Variants in IMPG2 observed in about 807,000 individuals in gnomAD.
IMPG2 encodes the protein interphotoreceptor matrix proteoglycan 2, also known as IPM 200.
IMPG2 carries 91 observed loss-of-function variants against 129.2 expected under a neutral mutation model. The observed-to-expected ratio is 0.70, with a 90% CI of 0.59 to 0.84. The LOEUF (loss-of-function observed/expected upper bound fraction) is 0.84. IMPG2 is among the 40% of genes least tolerant of loss of function. The probability of loss-of-function intolerance (pLI) is 0.00; values close to 1 mark genes in which losing one functional copy is unlikely to be tolerated. For missense variants in IMPG2, 1,430 were observed against 1,461.7 expected (o/e 0.98, Z 0.35); for synonymous variants, 510 against 517.7 (o/e 0.99, Z 0.20).
At chr3:101,241,793 C>T (rs1159725212) in intron 14 of IMPG2, among the ~76,000 whole-genome samples, 4 of 151,826 alleles carry the variant, frequency 2.6e-5, no homozygotes, top group South Asian at 2.1e-4. Context: ...TTTGGGAGGC[C>T]GAGGTAGGTG....
chr3:101,243,837 T>C lies in IMPG2; in HGVS notation c.2494A>G (p.Ile832Val), dbSNP rs1400491599. The C allele has an allele frequency of 1.2e-6, 2 of 1,614,202 alleles. No individual in the cohort carries two copies. Among genetic ancestry groups the C allele is most frequent in the Non-Finnish European group, 1.7e-6 (2 of 1,180,024 alleles). Residue 832 changes from isoleucine to valine, a missense_variant, in exon 13 of 19, where the codon ATT becomes GTT. Coordinates refer to ENST00000193391, the MANE Select transcript of IMPG2 (RefSeq NM_016247.4). ...TISTLLEDEVIMGVQDISLEL... is the reference protein window; with the variant it reads ...TISTLLEDEVVMGVQDISLEL... ...AACGAAATATCCTGTACACCCATAA[T>C]TACTTCATCCTCTAGCAGGGTGGAG... is the stretch of plus-strand genomic sequence containing the variant.
At position 101,243,683 on chromosome 3, in the gene IMPG2, G is replaced by A; in HGVS notation, c.2648C>T (p.Pro883Leu). ...ACTCAAGTCATCTCCTCCTTCTGTG[G>A]GCCAAGCCACACTAACCATCTCTGT... ...HSTEMVSVAW[P>L]TEGGDDLSYT... Residue 883 changes from proline (P) to leucine (L), a missense_variant, in exon 13 of 19, where the codon CCC (proline) becomes CTC (leucine). Pro to Leu is a moderately conservative substitution (Grantham distance 98). Coordinates refer to ENST00000193391, the MANE Select transcript of IMPG2 (RefSeq NM_016247.4). 6.2e-7 allele frequency: 1 copy of A among 1,614,032 alleles called. No individual in the cohort carries two copies.
Position 101,225,094 on chromosome 3 carries a change from G to A in IMPG2, c.*1875C>T, listed in dbSNP as rs982585449. On this transcript the variant is annotated 3_prime_UTR_variant, in exon 19 of 19. Transcript: ENST00000193391. ...CACTTTCATCTAACACGTAGTATAG[G>A]AAAACAGTTTACAGTCTTAAACAGA... is the stretch of plus-strand genomic sequence containing the variant. 3.3e-5 allele frequency: 5 copies of A among 152,266 alleles called. No homozygotes were observed. Among genetic ancestry groups the A allele is most frequent in the Admixed American group, 2.6e-4 (4 of 15,298 alleles). The allele number at this position is 152,266 out of a possible 1,614,324, so 9.4% of individuals were successfully genotyped here.
chr3:101,273,759 A>G lies in IMPG2; in HGVS notation c.667-17T>C. 6.2e-7 allele frequency: 1 copy of G among 1,610,558 alleles called. No individual in the cohort carries two copies. The highest frequency in any genetic ancestry group is 1.3e-5 in the African/African-American group (1 of 75,000). On this transcript the variant is annotated splice_polypyrimidine_tract_variant and intron_variant, in intron 6 of 18. Coordinates refer to ENST00000193391, the MANE Select transcript of IMPG2 (RefSeq NM_016247.4). ...ATTGCTAATCTGAATTTTTAGAGAA[A>G]GAACAATAAATGTCAAGGCTTATTC...
chr3:101,242,729 A>G lies in IMPG2; in HGVS notation c.2981T>C (p.Met994Thr), dbSNP rs1241094072. Residue 994 changes from methionine to threonine, a missense_variant, in exon 14 of 19, where the codon ATG becomes ACG. Met to Thr is a moderately conservative substitution (Grantham distance 81). Transcript: ENST00000193391. ...EDFCTTAYNT[M>T]NLAIDKYSLD... ...AGAGTATTTATCAATAGCCAAGTTCATGGTATTGTAGGCAGTGGTACAAAA... is the reference window on the plus strand; with the variant it reads ...AGAGTATTTATCAATAGCCAAGTTCGTGGTATTGTAGGCAGTGGTACAAAA... 6.2e-7 allele frequency: 1 copy of G among 1,613,990 alleles called. No homozygotes were observed. Among genetic ancestry groups the G allele is most frequent in the Admixed American group, 1.7e-5 (1 of 60,016 alleles).
intron 2 of IMPG2, among the ~76,000 whole-genome samples, chr3:101,305,068 C>G (rs1337887655): frequency 6.6e-6 from 1 of 151,980 alleles, no homozygotes; most frequent in Non-Finnish European, 1.5e-5. Context: ...TCGCTTTATT[C>G]ATAATTGCCA....
chr3:101,317,100 CATTATAAATGGT>C lies in IMPG2; in HGVS notation c.334+2472_334+2483del, dbSNP rs2058789201. Among the ~76,000 whole-genome samples the C allele has an allele frequency of 2.1e-4, 3 of 14,586 alleles. No individual in the cohort carries two copies. The South Asian group carries it at 0.011, about 55-fold the overall frequency. The allele number at this position is 14,586 out of a possible 152,430, so 9.6% of individuals were successfully genotyped here. A position where few individuals can be genotyped will look rare whatever the true frequency, so the allele number is the denominator to read the frequency against. ...AAGGAGAGGTAGTGAGGGAGGTGGG[CATTATAAATGGT>C]CATGAAGAAATGTTTAAGAGTGATT... On this transcript the variant is annotated intron_variant, in intron 2 of 18. Coordinates refer to ENST00000193391, the MANE Select transcript of IMPG2 (RefSeq NM_016247.4).
intron 11 of IMPG2, among the ~76,000 whole-genome samples, chr3:101,249,836 G>A (rs1301924629): frequency 2.0e-5 from 3 of 150,982 alleles, no homozygotes; most frequent in East Asian, 1.9e-4. Flanking sequence ...ATGACTTCTC[G>A]CACTTTTCTA....
intron 4 of IMPG2, among the ~76,000 whole-genome samples, chr3:101,284,618 A>G (rs1282152296): frequency 2.6e-5 from 4 of 152,198 alleles, no homozygotes; most frequent in South Asian, 4.1e-4. Context: ...AAATATCCTT[A>G]GTAGGTATTA....
chr3:101,318,575 G>T (rs1463950234), intron 2 of IMPG2, among the ~76,000 whole-genome samples: 2 of 152,266 alleles, frequency 1.3e-5, no homozygotes, highest in African/African-American at 4.8e-5. Flanking sequence ...AAGAGGAAAA[G>T]AAGATAAAGT....
Position 101,244,161 on chromosome 3 carries a change from G to T in IMPG2, c.2170C>A (p.Leu724Met). Residue 724 changes from leucine to methionine, a missense_variant, in exon 13 of 19, where the codon CTG (leucine) becomes ATG (methionine). Physicochemically the swap from Leu to Met is conservative, Grantham distance 15. Transcript: ENST00000193391. Reference protein sequence around the residue: ...DYSVTKAPLILTSVAISASTD... With the variant: ...DYSVTKAPLIMTSVAISASTD... The stretch of plus-strand genomic sequence containing the variant: ...GAGGCAGAGATTGCTACAGATGTCA[G>T]TATAAGAGGTGCTTTGGTAACTGAG... 1.2e-6 allele frequency: 2 copies of T among 1,614,106 alleles called. No individual in the cohort carries two copies. Among genetic ancestry groups the T allele is most frequent in the Non-Finnish European group, 1.7e-6 (2 of 1,180,018 alleles).
At chr3:101,241,710 G>T (rs1295601235) in intron 14 of IMPG2, among the ~76,000 whole-genome samples, 4 of 152,108 alleles carry the variant, frequency 2.6e-5, no homozygotes, top group African/African-American at 9.7e-5. Flanking sequence ...AAAAGCTCCA[G>T]GTGTTAGGAA....
chr3:101,297,272 T>G (rs535479658), intron 3 of IMPG2, among the ~76,000 whole-genome samples: 1 of 152,338 alleles, frequency 6.6e-6, no homozygotes, highest in Admixed American at 6.5e-5. Flanking sequence ...TGTGTCTATT[T>G]GAGTCTTCTC....
At chr3:101,240,933 T>C (rs1255915483) in intron 14 of IMPG2, among the ~76,000 whole-genome samples, 1 of 152,216 alleles carries the variant, frequency 6.6e-6, no homozygotes, top group African/African-American at 2.4e-5. Context: ...CCTCAACCTC[T>C]GTCTCTGGTA....
chr3:101,301,289 C>A (rs1707137483), intron 3 of IMPG2, among the ~76,000 whole-genome samples: 1 of 152,076 alleles, frequency 6.6e-6, no homozygotes, highest in Admixed American at 6.5e-5. Flanking sequence ...TTGAGAATTA[C>A]CAAAATGTGA....
At chr3:101,276,005 G>A (rs942201360) in intron 5 of IMPG2, among the ~76,000 whole-genome samples, 12 of 152,080 alleles carry the variant, frequency 7.9e-5, no homozygotes, top group Non-Finnish European at 1.5e-5. Flanking sequence ...GGAACACAAA[G>A]ACAATATTCC....
intron 2 of IMPG2, among the ~76,000 whole-genome samples, chr3:101,305,221 G>A (rs1707176667): frequency 6.6e-6 from 1 of 152,130 alleles, no homozygotes; most frequent in Non-Finnish European, 1.5e-5. Context: ...ACATTGCTAA[G>A]TAGAGGAAGC....
At chr3:101,252,687 T>C (rs919382991) in intron 11 of IMPG2, among the ~76,000 whole-genome samples, 2 of 152,228 alleles carry the variant, frequency 1.3e-5, no homozygotes, top group African/African-American at 4.8e-5. Context: ...TTTTGTCTAA[T>C]ATGTAACTCA....
chr3:101,270,334 T>C (rs890215526), intron 7 of IMPG2, among the ~76,000 whole-genome samples: 4 of 152,146 alleles, frequency 2.6e-5, no homozygotes, highest in African/African-American at 9.7e-5. Context: ...TGGCATCTTT[T>C]TCCTGCTCCT....
Sources: allele counts gnomAD v4.1 joint callset (sites outside exome capture counted in the v4.1 genomes callset), GRCh38; gene constraint gnomAD v4.1.1; transcripts MANE v1.5; gene names NCBI Gene and HGNC (gene_info 2026-07-23, HGNC 2026-07-21).